The following MCM2 variants were observed in gnomAD, a reference collection of about 807,000 sequenced individuals.
The protein encoded by MCM2 is minichromosome maintenance complex component 2.
In MCM2, 49 loss-of-function variants were observed where a neutral mutation model predicts 86.4. That is an observed-to-expected ratio of 0.57 (90% CI 0.45 to 0.72). The LOEUF is 0.72. Ranked by LOEUF, MCM2 falls within the 30% of genes least tolerant of loss-of-function variation. The pLI is 0.00. For missense variants in MCM2, 1,038 were observed against 1,259.9 expected (o/e 0.82, Z 2.67); for synonymous variants, 475 against 484.6 (o/e 0.98, Z 0.26).
chr3:127,614,353 C>G (rs1576417926), intron 8 of MCM2, among the ~76,000 whole-genome samples: 1 of 152,010 alleles, frequency 6.6e-6, no homozygotes, highest in East Asian at 1.9e-4. Flanking sequence ...TTGTTGTTCA[C>G]ATTTCCCTGA....
At position 127,621,740 on chromosome 3, in the gene MCM2, C is replaced by A. The variant is rs6794323; in HGVS notation, c.2682C>A (p.Asp894Glu). The change falls in exon 16 of 16, where the codon GAC becomes GAA. Residue 894 changes from aspartate to glutamate, a missense_variant. Physicochemically the swap from Asp to Glu is conservative, Grantham distance 45. Transcript: ENST00000265056. ...ELFRMNKFSH[D>E]LKRKMILQQF The stretch of plus-strand genomic sequence containing the variant: ...TCAGGATGAACAAGTTCAGCCACGA[C>A]CTGAAAAGGAAAATGATCCTGCAGC... 55 of 1,613,896 alleles carry A rather than the reference C, an allele frequency of 3.4e-5. No homozygotes were observed. Among genetic ancestry groups the A allele is most frequent in the Non-Finnish European group, 4.6e-5 (54 of 1,179,978 alleles).
intron 8 of MCM2, among the ~76,000 whole-genome samples, chr3:127,612,664 C>T (rs2074408278): frequency 6.6e-6 from 1 of 152,178 alleles, no homozygotes; most frequent in Non-Finnish European, 1.5e-5. Flanking sequence ...TTATCTCAGG[C>T]TCATGGTACC....
intron 13 of MCM2, 92 bp from the exon 14 acceptor site, chr3:127,620,606 T>G (rs2074468942): frequency 1.8e-5 from 24 of 1,362,830 alleles, no homozygotes; most frequent in Non-Finnish European, 2.4e-5. Context: ...CAGATGGGTC[T>G]TCTTGGCTCT....
intron 1 of MCM2, 105 bp from the exon 2 acceptor site, chr3:127,599,213 G>T: frequency 5.5e-6 from 5 of 906,988 alleles, no homozygotes; most frequent in Non-Finnish European, 8.9e-6. Context: ...GAGGACAAGA[G>T]TCACAGGTGG....
intron 1 of MCM2, 128 bp downstream of exon 1, chr3:127,598,600 GCTA>G: frequency 7.7e-7 from 1 of 1,300,732 alleles, no homozygotes; most frequent in Non-Finnish European, 1.0e-6. Flanking sequence ...CTGGGGCGCA[GCTA>G]CTTTCTCGCC....
Position 127,621,083 on chromosome 3 carries a change from G to T in MCM2, c.2459G>T (p.Arg820Leu), listed in dbSNP as rs747287935. The T allele has an allele frequency of 3.1e-6, 5 of 1,614,044 alleles. No homozygotes were observed. The highest frequency in any genetic ancestry group is 1.1e-5 in the South Asian group (1 of 91,088). The change falls in exon 15 of 16, where the codon CGC (arginine) becomes CTC (leucine). Residue 820 changes from arginine to leucine, a missense_variant. Physicochemically the swap from Arg to Leu is moderately radical, Grantham distance 102. Transcript: ENST00000265056. Reference sequence around the variant, plus strand: ...GCTTTTTTCCTGCAGACTTTTGCCCGCTACCTTTCATTCCGGCGTGACAAC... The same window carrying T: ...GCTTTTTTCCTGCAGACTTTTGCCCTCTACCTTTCATTCCGGCGTGACAAC... ...VMRSMRKTFA[R>L]YLSFRRDNNE...
rs1196309353 is a variant in MCM2, at chr3:127,604,891, C to T, written c.413-5C>T. ...CGCAGTAGCAGGTGTCTCTTGCCTC[C>T]CCAGACAGCGATGAGGAGGACGAGG... is the stretch of plus-strand genomic sequence containing the variant. On this transcript the variant is annotated splice_polypyrimidine_tract_variant and splice_region_variant and intron_variant, in intron 3 of 15. Transcript: ENST00000265056. 2 of 1,606,064 alleles carry T rather than the reference C, an allele frequency of 1.2e-6. No individual in the cohort carries two copies. The highest frequency in any genetic ancestry group is 1.7e-6 in the Non-Finnish European group (2 of 1,176,332).
chr3:127,599,881 A>C (rs1051778247), intron 2 of MCM2, among the ~76,000 whole-genome samples: 1 of 152,260 alleles, frequency 6.6e-6, no homozygotes, highest in African/African-American at 2.4e-5. Flanking sequence ...TAACTTTTCA[A>C]AGGAAAGGTG....
intron 8 of MCM2, chr3:127,610,737 C>T (rs1381512335): frequency 2.2e-6 from 1 of 454,748 alleles, no homozygotes; most frequent in Non-Finnish European, 4.4e-6. Flanking sequence ...AGGGGCAAAG[C>T]ATCCAGCATT....
At chr3:127,608,268 T>C (rs943835951) in intron 6 of MCM2, 114 bp from the exon 7 acceptor site, 1 of 1,347,374 alleles carries the variant, frequency 7.4e-7, no homozygotes, top group Non-Finnish European at 1.0e-6. Flanking sequence ...TGTCTTTGGC[T>C]CTCCATTTGC....
Position 127,606,200 on chromosome 3 carries a change from G to C in MCM2, c.756G>C (p.Pro252=), listed in dbSNP as rs146895950. The C allele has an allele frequency of 1.9e-6, 3 of 1,614,076 alleles. No individual in the cohort carries two copies. The highest frequency in any genetic ancestry group is 4.5e-5 in the East Asian group (2 of 44,904). Residue 252 remains proline, a synonymous_variant, in exon 5 of 16, where the codon CCG becomes CCC. Coordinates refer to ENST00000265056, the MANE Select transcript of MCM2 (RefSeq NM_004526.4). This position sits in a 1 kb window ranked among gnomAD's most constrained non-coding sequence, Gnocchi z 4.2. Reference sequence around the variant, plus strand: ...TGGCCTACTTCCTGCCTGAGGCACCGGCGGAGCTGCTGCAGATCTTTGATG... The same window carrying C: ...TGGCCTACTTCCTGCCTGAGGCACCCGCGGAGCTGCTGCAGATCTTTGATG... ...HVLAYFLPEA[P]AELLQIFDEA...
In MCM2 at chr3:127,598,447, G is replaced by A; in HGVS notation, c.-20G>A. On this transcript the variant is annotated 5_prime_UTR_variant, in exon 1 of 16. Coordinates refer to ENST00000265056, the MANE Select transcript of MCM2 (RefSeq NM_004526.4). ...AAACCTGGTTGTTGCTGTAGTGGCGGAGAGGATCGTGGTACTGCTATGGCG... is the reference window on the plus strand; with the variant it reads ...AAACCTGGTTGTTGCTGTAGTGGCGAAGAGGATCGTGGTACTGCTATGGCG... The A allele has an allele frequency of 1.9e-6, 3 of 1,613,516 alleles. No homozygotes were observed. Among genetic ancestry groups the A allele is most frequent in the Non-Finnish European group, 2.5e-6 (3 of 1,179,594 alleles).
At chr3:127,615,813 C>T (rs1192358217) in intron 8 of MCM2, 49 bp from the exon 9 acceptor site, 12 of 1,394,096 alleles carry the variant, frequency 8.6e-6, no homozygotes, top group African/African-American at 1.4e-5. Context: ...GGGTGACCTA[C>T]TCTGTGAGTA....
intron 2 of MCM2, among the ~76,000 whole-genome samples, chr3:127,600,716 G>T (rs1416756493): frequency 1.3e-5 from 2 of 151,980 alleles, no homozygotes; most frequent in African/African-American, 4.8e-5. Context: ...TGATGGAGTT[G>T]TTCAGGCCGG....
At chr3:127,598,617 A>G (rs2074276416) in intron 1 of MCM2, 145 bp downstream of exon 1, 1 of 1,163,752 alleles carries the variant, frequency 8.6e-7, no homozygotes, top group South Asian at 1.6e-5. Context: ...TCTCGCCTGC[A>G]CCCTGCGTGA....
chr3:127,618,638 C>T lies in MCM2; in HGVS notation c.2014-389C>T, dbSNP rs550145359. Among the ~76,000 whole-genome samples the T allele has an allele frequency of 6.6e-6, 1 of 152,242 alleles. No homozygotes were observed. The highest frequency in any genetic ancestry group is 6.5e-5 in the Admixed American group (1 of 15,290). On this transcript the variant is annotated intron_variant, in intron 12 of 15. Transcript: ENST00000265056. This position sits in a 1 kb window ranked among gnomAD's most constrained non-coding sequence, Gnocchi z 4.0. ...GTGCTCCTTGCTCCTGGCAGACGCT[C>T]TCCCACACTGTCACATGACTTGCAT...
rs1490632317 is a variant in MCM2, at chr3:127,606,580, C to T, written c.894-30C>T. 14 of 1,600,660 alleles carry T rather than the reference C, an allele frequency of 8.7e-6. No homozygotes were observed. The highest frequency in any genetic ancestry group is 6.6e-5 in the South Asian group (6 of 90,824). On this transcript the variant is annotated intron_variant, in intron 5 of 15. Transcript: ENST00000265056. This position sits in a 1 kb window ranked among gnomAD's most constrained non-coding sequence, Gnocchi z 4.2. ...TGCAGCCTGGCCTCACCCTGGCTCA[C>T]GGCTTCTGATGCACCCTCTGCCTCC...
chr3:127,619,904 A>G (rs2074463759), intron 13 of MCM2, among the ~76,000 whole-genome samples: 1 of 152,050 alleles, frequency 6.6e-6, no homozygotes, highest in Non-Finnish European at 1.5e-5. Flanking sequence ...GATCTACTTG[A>G]GCCCAGGAGT....
chr3:127,617,721 G>T lies in MCM2; in HGVS notation c.1901-248G>T. On this transcript the variant is annotated intron_variant, in intron 11 of 15. Coordinates refer to ENST00000265056, the MANE Select transcript of MCM2 (RefSeq NM_004526.4). This position sits in a 1 kb window ranked among gnomAD's most constrained non-coding sequence, Gnocchi z 4.1. Reference sequence around the variant, plus strand: ...GCAGCGAATGCGTAAAAGAACCCAGGCTCTGTCACCCACTGTGTTCTTGGT... The same window carrying T: ...GCAGCGAATGCGTAAAAGAACCCAGTCTCTGTCACCCACTGTGTTCTTGGT... 3.4e-6 allele frequency: 2 copies of T among 587,608 alleles called. No individual in the cohort carries two copies. The highest frequency in any genetic ancestry group is 4.1e-5 in the South Asian group (2 of 49,148). 36.4% of individuals were successfully genotyped at this position (587,608 alleles called of 1,614,324 possible). A position where few individuals can be genotyped will look rare whatever the true frequency, so the allele number is the denominator to read the frequency against.
Sources: gnomAD v4.1 joint callset for allele counts (sites outside exome capture counted in the v4.1 genomes callset) on GRCh38, gnomAD v4.1.1 for gene constraint, Gnocchi (gnomAD v3.1) non-coding constraint, MANE v1.5 for transcripts, NCBI Gene and HGNC (gene_info 2026-07-23, HGNC 2026-07-21) for gene names.